ANOS1: variants seen among roughly 807,000 people sequenced by gnomAD.
ANOS1 encodes the protein anosmin 1.
ANOS1 carries 6 observed loss-of-function variants against 59.0 expected under a neutral mutation model. The ratio of observed to expected loss-of-function variants is 0.10; its 90% CI spans 0.06 to 0.20. The LOEUF (loss-of-function observed/expected upper bound fraction) is 0.20. ANOS1 is among the 10% of genes least tolerant of loss of function. ANOS1 has a pLI of 1.00. For synonymous variants in ANOS1, 217 were observed against 223.4 expected, an observed-to-expected ratio of 0.97 and a Z score of 0.25; for missense variants, 433 against 542.3, an observed-to-expected ratio of 0.80 and a Z score of 2.00.
At chrX:8,659,010 C>T (rs889489760) in intron 2 of ANOS1, among the ~76,000 whole-genome samples, 3 of 111,332 alleles carry the variant, frequency 2.7e-5, no homozygotes, top group South Asian at 3.8e-4. Context: ...GGGCGGATCA[C>T]GTCAGGAGTT....
intron 1 of ANOS1, among the ~76,000 whole-genome samples, chrX:8,709,752 T>C (rs1253251003): frequency 2.7e-5 from 3 of 111,857 alleles, no homozygotes; most frequent in Non-Finnish European, 5.6e-5. Context: ...TAAATAAATA[T>C]AACTAAAAAT....
intron 2 of ANOS1, among the ~76,000 whole-genome samples, chrX:8,685,577 GGAAA>G (rs1191432841): frequency 2.1e-4 from 9 of 43,827 alleles, no homozygotes; most frequent in African/African-American, 9.9e-4. Flanking sequence ...AAGGAAGGAA[GGAAA>G]GAAAGAGAAA....
intron 3 of ANOS1, among the ~76,000 whole-genome samples, chrX:8,613,492 C>T (rs2146838652): frequency 9.0e-6 from 1 of 111,500 alleles, no homozygotes; most frequent in African/African-American, 3.3e-5. Flanking sequence ...TCCCAAAATG[C>T]TGGTATTACA....
chrX:8,570,801 T>TCTATC, intron 6 of ANOS1, 97 bp from the exon 7 acceptor site: 1 of 847,405 alleles, frequency 1.2e-6, no homozygotes, highest in Non-Finnish European at 1.7e-6. Context: ...GCATTGCTTT[T>TCTATC]TATAGATAGA....
intron 2 of ANOS1, among the ~76,000 whole-genome samples, chrX:8,679,562 C>T (rs1463733149): frequency 2.2e-4 from 23 of 106,137 alleles, no homozygotes; most frequent in Non-Finnish European, 3.5e-4. Flanking sequence ...AAAAAAAAGT[C>T]TTATCCTGCA....
chrX:8,670,026 A>G (rs147321002), intron 2 of ANOS1, among the ~76,000 whole-genome samples: 3,919 of 111,635 alleles, frequency 0.035, 180 homozygotes, highest in African/African-American at 0.12. Context: ...AGTAGAGAAA[A>G]CATTTACTAT....
chrX:8,633,158 C>T (rs778877469), intron 2 of ANOS1, among the ~76,000 whole-genome samples: 1 of 111,499 alleles, frequency 9.0e-6, no homozygotes, highest in South Asian at 3.8e-4. Context: ...ATTAGCATGC[C>T]AGCCTAGCAC....
intron 3 of ANOS1, among the ~76,000 whole-genome samples, chrX:8,608,551 C>A (rs1433064281): frequency 1.3e-4 from 14 of 111,716 alleles, no homozygotes; most frequent in Admixed American, 9.5e-4. Context: ...TTTCTTATTT[C>A]TTTGTTTATA....
rs187360181 is a variant in ANOS1 at position 8,685,677 on chromosome X, G to A, written c.255+14021C>T. Among the ~76,000 whole-genome samples the A allele has an allele frequency of 2.5e-4, 26 of 103,440 alleles. No homozygotes were observed. The East Asian group carries it at 6.8e-3, about 27-fold the overall frequency. 89.8% of individuals were successfully genotyped at this position (103,440 alleles called of 115,157 possible). On this transcript the variant is annotated intron_variant, in intron 2 of 13. Coordinates refer to ENST00000262648, the MANE Select transcript of ANOS1 (RefSeq NM_000216.4). Reference sequence around the variant, plus strand: ...GAAAGAAAAAGAAAGGAAGGAAGGAGGGAGGAAGGGAAGGAAGGAAGGAAA... The same window carrying A: ...GAAAGAAAAAGAAAGGAAGGAAGGAAGGAGGAAGGGAAGGAAGGAAGGAAA...
chrX:8,552,834 C>A (rs1469269470), intron 9 of ANOS1, among the ~76,000 whole-genome samples: 1 of 108,466 alleles, frequency 9.2e-6, no homozygotes, highest in African/African-American at 3.4e-5. Context: ...AAATTATTAA[C>A]TGTAATATAG....
chrX:8,568,968 G>A (rs1039921235), intron 7 of ANOS1, among the ~76,000 whole-genome samples: 2 of 111,864 alleles, frequency 1.8e-5, no homozygotes, highest in Admixed American at 9.5e-5. Flanking sequence ...ACCACCTCTC[G>A]AAGGAAAGGG....
intron 1 of ANOS1, among the ~76,000 whole-genome samples, chrX:8,702,803 C>T (rs1932763354): frequency 8.9e-6 from 1 of 111,882 alleles, no homozygotes; most frequent in Non-Finnish European, 1.9e-5. Flanking sequence ...CAATGAGGCA[C>T]CTTCTAAAGA....
rs569570378 is a variant in ANOS1 at position 8,701,770 on chromosome X, C to G, written c.208-2025G>C. ...ATACCACATTTTGCCCATCCACTGC[C>G]AATAACATATCTGAATATGTCCCTT... On this transcript the variant is annotated intron_variant, in intron 1 of 13. Transcript: ENST00000262648. Among the ~76,000 whole-genome samples, 60 of 111,764 alleles carry G rather than the reference C, an allele frequency of 5.4e-4. No individual in the cohort carries two copies. In the South Asian group the frequency reaches 0.022, roughly 40 times the overall value.
intron 8 of ANOS1, among the ~76,000 whole-genome samples, chrX:8,565,541 A>G (rs772900646): frequency 3.7e-4 from 42 of 112,590 alleles, no homozygotes; most frequent in Non-Finnish European, 6.9e-4. Flanking sequence ...GAGCAGAAAC[A>G]TAATACTAAT....
chrX:8,559,449 G>C (rs1049147433), intron 8 of ANOS1, among the ~76,000 whole-genome samples: 7 of 111,649 alleles, frequency 6.3e-5, no homozygotes, highest in Non-Finnish European at 1.1e-4. Context: ...CCCATATCCA[G>C]TGGAAGATAG....
chrX:8,587,133 TGG>T (rs1222166312), intron 5 of ANOS1, among the ~76,000 whole-genome samples: 1 of 90,703 alleles, frequency 1.1e-5, no homozygotes, highest in Admixed American at 1.4e-4. Flanking sequence ...TGTGTGTGTG[TGG>T]GGGGGTGGTT....
intron 2 of ANOS1, among the ~76,000 whole-genome samples, chrX:8,665,099 C>T (rs567776078): frequency 1.8e-5 from 2 of 111,582 alleles, no homozygotes; most frequent in African/African-American, 3.3e-5. Context: ...GCTGCAAAGG[C>T]GGGACGTGCT....
chrX:8,594,759 T>G, intron 4 of ANOS1, among the ~76,000 whole-genome samples: 1 of 82,668 alleles, frequency 1.2e-5, no homozygotes, highest in Non-Finnish European at 2.3e-5. Context: ...TACATATATA[T>G]ATATATATTT....
chrX:8,709,119 G>C (rs1219411852), intron 1 of ANOS1, among the ~76,000 whole-genome samples: 2 of 109,968 alleles, frequency 1.8e-5, no homozygotes, highest in Non-Finnish European at 3.8e-5. Flanking sequence ...GTCAGGGGGT[G>C]GGGGGTGAGG....
Sources: allele counts gnomAD v4.1 joint callset (sites outside exome capture counted in the v4.1 genomes callset), GRCh38; gene constraint gnomAD v4.1.1; transcripts MANE v1.5; gene names NCBI Gene and HGNC (gene_info 2026-07-23, HGNC 2026-07-21).